TTC29: variants seen among roughly 807,000 people sequenced by gnomAD.
TTC29 encodes the protein tetratricopeptide repeat domain 29, also known as tetratricopeptide repeat protein 29.
Under a neutral mutation model 58.1 loss-of-function variants are expected in TTC29, and 49 were observed. The observed-to-expected ratio is 0.84, with a 90% CI of 0.67 to 1.07. The LOEUF is 1.07. Ranked by LOEUF, TTC29 falls within the 50% of genes least tolerant of loss-of-function variation. The pLI is 0.00. For synonymous variants in TTC29, 209 were observed against 196.8 expected, an observed-to-expected ratio of 1.06 and a Z score of -0.52; for missense variants, 582 against 555.6, an observed-to-expected ratio of 1.05 and a Z score of -0.48.
intron 9 of TTC29, among the ~76,000 whole-genome samples, chr4:146,824,631 G>C (rs1192542098): frequency 1.3e-5 from 2 of 152,000 alleles, no homozygotes; most frequent in African/African-American, 4.8e-5. Flanking sequence ...ATGAGTTAGA[G>C]GAAATTCCTT....
intron 11 of TTC29, among the ~76,000 whole-genome samples, chr4:146,762,273 T>G (rs1185925220): frequency 6.6e-6 from 1 of 151,896 alleles, no homozygotes; most frequent in Non-Finnish European, 1.5e-5. Flanking sequence ...GTGAATTTAA[T>G]GGTGGTACAA....
At position 146,811,113 on chromosome 4, in the gene TTC29, G is replaced by A. The variant is rs1389393882; in HGVS notation, c.1102-7428C>T. Among the ~76,000 whole-genome samples, 6 of 152,190 alleles carry A rather than the reference G, an allele frequency of 3.9e-5. No individual in the cohort carries two copies. The East Asian group carries it at 9.7e-4, about 25-fold the overall frequency. On this transcript the variant is annotated intron_variant, in intron 10 of 12. Coordinates refer to ENST00000325106, the MANE Select transcript of TTC29 (RefSeq NM_031956.4). Reference sequence around the variant, plus strand: ...TTCAAGAAGTCCTTTGCAACAGCTCGAGCTGCAAAAATTCAGGGTTTTGTT... The same window carrying A: ...TTCAAGAAGTCCTTTGCAACAGCTCAAGCTGCAAAAATTCAGGGTTTTGTT...
chr4:146,821,837 C>T (rs927306954), intron 9 of TTC29, among the ~76,000 whole-genome samples: 4 of 152,032 alleles, frequency 2.6e-5, no homozygotes, highest in African/African-American at 9.7e-5. Context: ...GAATAAGGTT[C>T]CTGTGCTTGA....
At chr4:146,736,441 A>G (rs1389537164) in intron 11 of TTC29, among the ~76,000 whole-genome samples, 2 of 152,128 alleles carry the variant, frequency 1.3e-5, no homozygotes, top group Non-Finnish European at 2.9e-5. Flanking sequence ...ATCTTTACTT[A>G]CTAACATAAA....
intron 6 of TTC29, among the ~76,000 whole-genome samples, chr4:146,883,959 T>C (rs1416907457): frequency 6.6e-6 from 1 of 152,124 alleles, no homozygotes; most frequent in Admixed American, 6.6e-5. Context: ...TATATCAGAC[T>C]TTAGGGATGT....
intron 8 of TTC29, among the ~76,000 whole-genome samples, chr4:146,855,703 T>C (rs1490574097): frequency 6.6e-6 from 1 of 152,218 alleles, no homozygotes; most frequent in Non-Finnish European, 1.5e-5. Flanking sequence ...CTGTTACTTG[T>C]AGATCCATAA....
chr4:146,756,569 T>G (rs1164037425), intron 11 of TTC29, among the ~76,000 whole-genome samples: 2 of 152,118 alleles, frequency 1.3e-5, no homozygotes, highest in Non-Finnish European at 2.9e-5. Flanking sequence ...AAGTAGATTT[T>G]CAATACAAAC....
At chr4:146,885,904 T>C (rs1731952118) in intron 6 of TTC29, among the ~76,000 whole-genome samples, 1 of 152,114 alleles carries the variant, frequency 6.6e-6, no homozygotes, top group African/African-American at 2.4e-5. Flanking sequence ...TTTATAATCA[T>C]TCAATTTGAT....
intron 11 of TTC29, among the ~76,000 whole-genome samples, chr4:146,714,863 T>C (rs1006927224): frequency 3.9e-5 from 6 of 152,190 alleles, no homozygotes; most frequent in African/African-American, 1.4e-4. Flanking sequence ...TGGAAGGATG[T>C]AATTGTAAAC....
intron 11 of TTC29, among the ~76,000 whole-genome samples, chr4:146,728,696 C>G (rs1743982811): frequency 7.0e-6 from 1 of 142,010 alleles, no homozygotes; most frequent in Non-Finnish European, 1.5e-5. Context: ...ATATAAAATA[C>G]TGGGTACTAA....
intron 11 of TTC29, among the ~76,000 whole-genome samples, chr4:146,729,248 A>C (rs1311683673): frequency 6.6e-6 from 1 of 152,172 alleles, no homozygotes; most frequent in African/African-American, 2.4e-5. Context: ...TAGCTGAAAA[A>C]GTGCTTCCTA....
chr4:146,921,293 GA>G (rs1734563265), intron 4 of TTC29, among the ~76,000 whole-genome samples: 1 of 151,050 alleles, frequency 6.6e-6, no homozygotes, highest in Non-Finnish European at 1.5e-5. Context: ...TAAACATTTA[GA>G]AAATTACTAG....
chr4:146,943,954 G>A (rs1251392114), intron 2 of TTC29: 1 of 152,332 alleles, frequency 6.6e-6, no homozygotes, highest in Admixed American at 6.5e-5. Context: ...TAGCATAAAT[G>A]GAGCATATCA....
rs144778728 is a variant in TTC29 at position 146,897,031 on chromosome 4, T to C, written c.586+6513A>G. ...TCTTTCATCTCCTACATTCCTCAGT[T>C]AGGAGGATGCTCTTTAGTCCTGGTA... On this transcript the variant is annotated intron_variant, in intron 6 of 12. Transcript: ENST00000325106. Among the ~76,000 whole-genome samples, 1,161 of 152,262 alleles carry C rather than the reference T, an allele frequency of 7.6e-3. 4 individuals are homozygous for C. Among genetic ancestry groups the C allele is most frequent in the Middle Eastern group, 0.021 (6 of 292 alleles).
intron 11 of TTC29, among the ~76,000 whole-genome samples, chr4:146,789,267 A>G (rs1463349076): frequency 6.6e-6 from 1 of 152,160 alleles, no homozygotes; most frequent in Non-Finnish European, 1.5e-5. Flanking sequence ...TTGCATTACC[A>G]CCTTAAAATA....
At chr4:146,712,734 GAGCTAATA>G (rs961200405) in intron 11 of TTC29, among the ~76,000 whole-genome samples, 10 of 152,054 alleles carry the variant, frequency 6.6e-5, no homozygotes, top group Non-Finnish European at 1.2e-4. Flanking sequence ...CAGGGCTAAG[GAGCTAATA>G]AGGGATATTG....
intron 11 of TTC29, among the ~76,000 whole-genome samples, chr4:146,788,991 G>A (rs1251636272): frequency 6.6e-6 from 1 of 152,132 alleles, no homozygotes; most frequent in African/African-American, 2.4e-5. Context: ...GATGGGGATA[G>A]ATGCACTGAA....
intron 11 of TTC29, among the ~76,000 whole-genome samples, chr4:146,785,142 A>T (rs1208807580): frequency 6.8e-6 from 1 of 147,082 alleles, no homozygotes; most frequent in East Asian, 2.0e-4. Flanking sequence ...TTAAAAATAT[A>T]TTTTCAGCTA....
At chr4:146,722,853 A>G (rs905429220) in intron 11 of TTC29, among the ~76,000 whole-genome samples, 1 of 152,064 alleles carries the variant, frequency 6.6e-6, no homozygotes, top group African/African-American at 2.4e-5. Context: ...ATGCACCGCC[A>G]TACCCTGCTA....
Sources: allele counts gnomAD v4.1 joint callset (sites outside exome capture counted in the v4.1 genomes callset), GRCh38; gene constraint gnomAD v4.1.1; transcripts MANE v1.5; gene names NCBI Gene and HGNC (gene_info 2026-07-23, HGNC 2026-07-21).